Variants in GPC5 observed in about 807,000 individuals in gnomAD.
GPC5 encodes the protein glypican 5.
GPC5 carries 47 observed loss-of-function variants against 53.9 expected under a neutral mutation model. That is an observed-to-expected ratio of 0.87 (90% CI 0.69 to 1.11). GPC5 has a LOEUF of 1.11. GPC5 is among the 50% of genes most tolerant of loss of function. GPC5 has a pLI of 0.00. For synonymous variants in GPC5, 286 were observed against 263.3 expected, an observed-to-expected ratio of 1.09 and a Z score of -0.84; for missense variants, 748 against 713.1, an observed-to-expected ratio of 1.05 and a Z score of -0.56.
intron 7 of GPC5, among the ~76,000 whole-genome samples, chr13:92,781,947 A>G (rs1410348416): frequency 6.6e-6 from 1 of 152,094 alleles, no homozygotes; most frequent in Non-Finnish European, 1.5e-5. Flanking sequence ...ACAAAAGTTA[A>G]TTTCCACACC....
chr13:91,781,490 T>C (rs2037798536), intron 5 of GPC5, among the ~76,000 whole-genome samples: 1 of 152,226 alleles, frequency 6.6e-6, no homozygotes, highest in African/African-American at 2.4e-5. Context: ...TAAAAGATCA[T>C]ATGTGGATCA....
chr13:92,767,407 G>A (rs1875445681), intron 7 of GPC5, among the ~76,000 whole-genome samples: 1 of 152,164 alleles, frequency 6.6e-6, no homozygotes, highest in Non-Finnish European at 1.5e-5. Context: ...GGAGGCAGAG[G>A]TTGCAGTGAG....
At chr13:91,687,641 G>A (rs934310462) in intron 2 of GPC5, among the ~76,000 whole-genome samples, 3 of 151,878 alleles carry the variant, frequency 2.0e-5, no homozygotes, top group Admixed American at 2.0e-4. Flanking sequence ...TACCACTCAG[G>A]CATTATAAGG....
At chr13:92,702,918 C>T (rs1361083292) in intron 7 of GPC5, among the ~76,000 whole-genome samples, 1 of 151,966 alleles carries the variant, frequency 6.6e-6, no homozygotes, top group Admixed American at 6.6e-5. Context: ...GCATATTCCA[C>T]TTCAGATATT....
chr13:92,514,699 C>A (rs1360487270), intron 7 of GPC5, among the ~76,000 whole-genome samples: 1 of 152,128 alleles, frequency 6.6e-6, no homozygotes, highest in Admixed American at 6.5e-5. Flanking sequence ...GAGAAATGAG[C>A]CAGATGCTTT....
At chr13:91,611,383 C>A (rs1213225926) in intron 2 of GPC5, among the ~76,000 whole-genome samples, 1 of 152,186 alleles carries the variant, frequency 6.6e-6, no homozygotes, top group African/African-American at 2.4e-5. Flanking sequence ...GTGTAGCCTG[C>A]TTTGCTTCCA....
intron 6 of GPC5, among the ~76,000 whole-genome samples, chr13:92,015,545 A>T (rs1384628317): frequency 1.3e-5 from 2 of 152,210 alleles, no homozygotes; most frequent in Non-Finnish European, 2.9e-5. Flanking sequence ...TACACTACCT[A>T]GTGTTTACTG....
chr13:91,857,773 C>G (rs2038982860), intron 5 of GPC5, among the ~76,000 whole-genome samples: 1 of 151,148 alleles, frequency 6.6e-6, no homozygotes, highest in African/African-American at 2.4e-5. Flanking sequence ...ATGCTTTTCT[C>G]TAATATATTA....
chr13:91,513,807 C>CAT (rs1320316635), intron 2 of GPC5, among the ~76,000 whole-genome samples: 3 of 152,140 alleles, frequency 2.0e-5, no homozygotes, highest in African/African-American at 7.2e-5. Context: ...ATTTTATGAC[C>CAT]ATACCCATCT....
chr13:92,306,250 T>C (rs1005967147), intron 7 of GPC5, among the ~76,000 whole-genome samples: 5 of 151,718 alleles, frequency 3.3e-5, no homozygotes, highest in African/African-American at 1.2e-4. Context: ...AGATAAGAAG[T>C]TAGATTTTTA....
At chr13:92,342,840 A>G (rs999177368) in intron 7 of GPC5, among the ~76,000 whole-genome samples, 2 of 152,102 alleles carry the variant, frequency 1.3e-5, no homozygotes, top group African/African-American at 2.4e-5. Flanking sequence ...GTATTACTTT[A>G]GCTTTGGTCA....
intron 7 of GPC5, among the ~76,000 whole-genome samples, chr13:92,434,393 T>A (rs892112946): frequency 6.6e-6 from 1 of 152,182 alleles, no homozygotes; most frequent in Non-Finnish European, 1.5e-5. Context: ...TGCAATAGAA[T>A]GTTTTTTTCT....
chr13:92,541,071 G>C (rs1055221438), intron 7 of GPC5, among the ~76,000 whole-genome samples: 3 of 151,836 alleles, frequency 2.0e-5, no homozygotes, highest in Admixed American at 6.6e-5. Context: ...TTATAATGAT[G>C]TTAATTTTAA....
At position 91,693,832 on chromosome 13, in the gene GPC5, ATGATGC is replaced by A. The variant is rs751764327; in HGVS notation, c.974_979del (p.Asp325_Ala326del). 7 of 1,611,720 alleles carry A rather than the reference ATGATGC, an allele frequency of 4.3e-6. No homozygotes were observed. The highest frequency in any genetic ancestry group is 1.3e-5 in the African/African-American group (1 of 74,930). ...CTGCTGAACTTTCACTTGCTTGTTA[ATGATGC>A]TGTGTTACAGGCTCACCTCAATGGA... On this transcript the variant is annotated inframe_deletion, in exon 3 of 8. Transcript: ENST00000377067.
chr13:91,478,475 G>A (rs991914541), intron 2 of GPC5, among the ~76,000 whole-genome samples: 9 of 151,328 alleles, frequency 5.9e-5, no homozygotes, highest in African/African-American at 1.9e-4. Context: ...TATTTATTTT[G>A]TAGTTTGTTG....
chr13:92,756,189 T>A (rs1874861748), intron 7 of GPC5, among the ~76,000 whole-genome samples: 1 of 152,044 alleles, frequency 6.6e-6, no homozygotes, highest in African/African-American at 2.4e-5. Flanking sequence ...TGCAAATCAA[T>A]AAATGTAATC....
At chr13:92,584,554 G>T (rs1883474529) in intron 7 of GPC5, among the ~76,000 whole-genome samples, 1 of 152,124 alleles carries the variant, frequency 6.6e-6, no homozygotes, top group Non-Finnish European at 1.5e-5. Context: ...CAGAAAATTT[G>T]CAGCCTGACA....
At chr13:92,737,042 C>CAGTT (rs1888954449) in intron 7 of GPC5, among the ~76,000 whole-genome samples, 1 of 151,936 alleles carries the variant, frequency 6.6e-6, no homozygotes, top group Non-Finnish European at 1.5e-5. Context: ...GAGATGAAAT[C>CAGTT]AGTTACTTTC....
At chr13:92,527,186 A>AAAG (rs1881351493) in intron 7 of GPC5, among the ~76,000 whole-genome samples, 11 of 17,644 alleles carry the variant, frequency 6.2e-4, no homozygotes, top group Admixed American at 1.7e-3. Context: ...AAGAAAGAAG[A>AAAG]AAGAAAGAAA....
Sources: gnomAD v4.1 joint callset for allele counts (sites outside exome capture counted in the v4.1 genomes callset) on GRCh38, gnomAD v4.1.1 for gene constraint, MANE v1.5 for transcripts, NCBI Gene and HGNC (gene_info 2026-07-23, HGNC 2026-07-21) for gene names.